Variants in SLC39A10 observed in about 807,000 individuals in gnomAD.
SLC39A10 encodes zinc transporter ZIP10.
SLC39A10 carries 13 observed loss-of-function variants against 65.1 expected under a neutral mutation model. The observed-to-expected ratio is 0.20, with a 90% CI of 0.13 to 0.32. The LOEUF (loss-of-function observed/expected upper bound fraction) is 0.32, where lower values mean the gene tolerates loss of function less well. Ranked by LOEUF, SLC39A10 falls within the 10% of genes least tolerant of loss-of-function variation. The pLI is 1.00. For missense variants in SLC39A10, 831 were observed against 1,018.4 expected (o/e 0.82, Z 2.50); for synonymous variants, 321 against 342.2 (o/e 0.94, Z 0.68).
At chr2:195,695,362 A>G (rs2105793429) in intron 3 of SLC39A10, among the ~76,000 whole-genome samples, 1 of 152,264 alleles carries the variant, frequency 6.6e-6, no homozygotes, top group East Asian at 1.9e-4. Context: ...TGAGTCACAC[A>G]GGTCATCAGG....
At chr2:195,674,838 A>G (rs1690020821) in intron 1 of SLC39A10, among the ~76,000 whole-genome samples, 1 of 149,434 alleles carries the variant, frequency 6.7e-6, no homozygotes, top group Non-Finnish European at 1.5e-5. Context: ...TGAATACTGT[A>G]GGCAGTTGTG....
intron 8 of SLC39A10, among the ~76,000 whole-genome samples, chr2:195,727,038 A>G (rs1326733715): frequency 1.3e-5 from 2 of 152,148 alleles, no homozygotes; most frequent in East Asian, 3.9e-4. Flanking sequence ...TATTATCTCT[A>G]GCATCATTTT....
chr2:195,686,284 T>C lies in SLC39A10; in HGVS notation c.1216+2378T>C, dbSNP rs375268891. On this transcript the variant is annotated intron_variant, in intron 3 of 9. Coordinates refer to ENST00000359634, the MANE Select transcript of SLC39A10 (RefSeq NM_020342.3). ...AAAGGAAATATTATTACATAAAAAG[T>C]AAAGTCTTCTAGGCACCTACATTTC... is the stretch of plus-strand genomic sequence containing the variant. Among the ~76,000 whole-genome samples the C allele has an allele frequency of 1.6e-4, 25 of 152,308 alleles. 1 individual carries two copies. In the South Asian group the frequency reaches 3.9e-3, roughly 24 times the overall value.
intron 2 of SLC39A10, 62 bp from the exon 3 acceptor site, chr2:195,683,636 AT>A: frequency 1.6e-6 from 2 of 1,256,802 alleles, no homozygotes; most frequent in Admixed American, 1.9e-5. Flanking sequence ...GCAGTAATTT[AT>A]TTTTTTGCAT....
intron 2 of SLC39A10, among the ~76,000 whole-genome samples, chr2:195,647,538 C>G (rs1411488642): frequency 6.6e-6 from 1 of 151,922 alleles, no homozygotes; most frequent in Non-Finnish European, 1.5e-5. Context: ...TTTTATCTGA[C>G]TCTACTACTC....
At chr2:195,723,280 T>C (rs948779001) in intron 8 of SLC39A10, among the ~76,000 whole-genome samples, 2 of 152,206 alleles carry the variant, frequency 1.3e-5, no homozygotes, top group African/African-American at 4.8e-5. Context: ...GCCGAACTTA[T>C]GTAGCTGAAT....
Position 195,680,735 on chromosome 2 carries a change from A to G in SLC39A10, c.693A>G (p.Gly231=), listed in dbSNP as rs572254173. ...AATCTGATGTTAAACTACCGAAAGGAAAGAGGAAGAAAAAAGGGAGGAAAA... is the reference window on the plus strand; with the variant it reads ...AATCTGATGTTAAACTACCGAAAGGGAAGAGGAAGAAAAAAGGGAGGAAAA... ...QEQSDVKLPK[G]KRKKKGRKSN... is the part of the protein sequence containing the mutation. The change falls in exon 2 of 10, where the codon GGA becomes GGG. Residue 231 remains glycine (G), a synonymous_variant. Coordinates refer to ENST00000359634, the MANE Select transcript of SLC39A10 (RefSeq NM_020342.3). 2 of 1,614,160 alleles carry G rather than the reference A, an allele frequency of 1.2e-6. No individual in the cohort carries two copies. The highest frequency in any genetic ancestry group is 2.7e-5 in the African/African-American group (2 of 75,028).
rs1242707900 is a variant in SLC39A10 at position 195,660,189 on chromosome 2, A to C, written c.-12+2908A>C. Among the ~76,000 whole-genome samples, 3 of 152,192 alleles carry C rather than the reference A, an allele frequency of 2.0e-5. No homozygotes were observed. The East Asian group carries it at 5.8e-4, about 29-fold the overall frequency. On this transcript the variant is annotated intron_variant, in intron 1 of 9. Coordinates refer to ENST00000359634, the MANE Select transcript of SLC39A10 (RefSeq NM_020342.3). ...CTTAACCATTATGGTTAGGCTAAAA[A>C]TGTCAGCTTGTGTTTATATAGTGCT...
At chr2:195,725,250 C>T (rs1340978366) in intron 8 of SLC39A10, among the ~76,000 whole-genome samples, 1 of 152,074 alleles carries the variant, frequency 6.6e-6, no homozygotes, top group Non-Finnish European at 1.5e-5. Flanking sequence ...ACTAAGCATA[C>T]TCCATTAAGG....
intron 2 of SLC39A10, among the ~76,000 whole-genome samples, chr2:195,646,145 C>T (rs773187513): frequency 1.3e-5 from 2 of 152,058 alleles, no homozygotes; most frequent in Admixed American, 1.3e-4. Context: ...GGGATTTTGC[C>T]GTGTTGCCCA....
At chr2:195,653,529 A>G (rs1689084337), upstream of SLC39A10, among the ~76,000 whole-genome samples, 1 of 152,170 alleles carries the variant, frequency 6.6e-6, no homozygotes, top group Admixed American at 6.5e-5. Context: ...TCCTGACCTC[A>G]GGTGATCCAC....
chr2:195,674,620 C>T lies in SLC39A10; in HGVS notation c.-11-5412C>T, dbSNP rs1690009490. 4 of 985,130 alleles carry T rather than the reference C, an allele frequency of 4.1e-6. No homozygotes were observed. The South Asian group carries it at 1.4e-4, about 35-fold the overall frequency. The allele number at this position is 985,130 out of a possible 1,614,324, so 61.0% of individuals were successfully genotyped here. A position where few individuals can be genotyped will look rare whatever the true frequency, so the allele number is the denominator to read the frequency against. ...TCCTTTTTTCTTGAGGCCTCTTATT[C>T]CCCCATGTTCTGTGAGTATTGCCTC... On this transcript the variant is annotated intron_variant, in intron 1 of 9. Coordinates refer to ENST00000359634, the MANE Select transcript of SLC39A10 (RefSeq NM_020342.3).
chr2:195,733,109 A>G (rs1692479738), intron 9 of SLC39A10, among the ~76,000 whole-genome samples: 1 of 152,220 alleles, frequency 6.6e-6, no homozygotes, highest in African/African-American at 2.4e-5. Context: ...AATTGTACCC[A>G]TTATTTAATA....
intron 2 of SLC39A10, among the ~76,000 whole-genome samples, chr2:195,637,334 C>T (rs7565720): frequency 0.016 from 2,366 of 152,210 alleles, 68 homozygotes; most frequent in African/African-American, 0.053. Context: ...AAACAAATGG[C>T]GGTCTTTGCC....
In SLC39A10 at chr2:195,714,253, T is replaced by A. The variant is rs536929415; in HGVS notation, c.1696+700T>A. Among the ~76,000 whole-genome samples the A allele has an allele frequency of 7.2e-5, 11 of 152,260 alleles. 1 individual carries two copies. The East Asian group carries it at 9.7e-4, about 13-fold the overall frequency. ...GCCGACAAATACTTTTATGATAGTT[T>A]GTCTAGCTTGCTAGTGTCTCCTCCT... is the stretch of plus-strand genomic sequence containing the variant. On this transcript the variant is annotated intron_variant, in intron 6 of 9. Coordinates refer to ENST00000359634, the MANE Select transcript of SLC39A10 (RefSeq NM_020342.3).
chr2:195,723,754 A>AAAATACAGCC (rs1300525672), intron 8 of SLC39A10, among the ~76,000 whole-genome samples: 2 of 152,194 alleles, frequency 1.3e-5, no homozygotes, highest in Non-Finnish European at 2.9e-5. Flanking sequence ...ATTAAAAAAA[A>AAAATACAGCC]AAAATACAGC....
chr2:195,694,954 AAG>A (rs1690887067), intron 3 of SLC39A10, among the ~76,000 whole-genome samples: 1 of 152,108 alleles, frequency 6.6e-6, no homozygotes, highest in African/African-American at 2.4e-5. Flanking sequence ...GAGTGAAAGA[AAG>A]AAATGGGGAA....
At chr2:195,660,740 G>T (rs890747654) in intron 1 of SLC39A10, among the ~76,000 whole-genome samples, 4 of 152,112 alleles carry the variant, frequency 2.6e-5, no homozygotes, top group Admixed American at 1.3e-4. Flanking sequence ...TTACGTATGG[G>T]ATTGTTTTCA....
chr2:195,699,062 A>T (rs1306851976), intron 3 of SLC39A10, among the ~76,000 whole-genome samples: 2 of 151,988 alleles, frequency 1.3e-5, no homozygotes, highest in African/African-American at 4.8e-5. Flanking sequence ...CATTTCATAT[A>T]GGTTATCCAG....
Sources: gnomAD v4.1 joint callset for allele counts (sites outside exome capture counted in the v4.1 genomes callset) on GRCh38, gnomAD v4.1.1 for gene constraint, MANE v1.5 for transcripts, NCBI Gene and HGNC (gene_info 2026-07-23, HGNC 2026-07-21) for gene names.